The following LRRN2 variants were observed in gnomAD, a reference collection of about 807,000 sequenced individuals.
The protein encoded by LRRN2 is leucine rich repeat neuronal 2, also known as leucine-rich repeat neuronal protein 2.
In LRRN2, 10 loss-of-function variants were observed where a neutral mutation model predicts 35.7. That is an observed-to-expected ratio of 0.28 (90% CI 0.17 to 0.47). The LOEUF (loss-of-function observed/expected upper bound fraction) is 0.47, where lower values mean the gene tolerates loss of function less well. Among genes scored for constraint, LRRN2 ranks in the 20% least tolerant of loss-of-function variants. LRRN2 has a pLI of 0.99. For synonymous variants in LRRN2, 391 were observed against 409.6 expected, an observed-to-expected ratio of 0.95 and a Z score of 0.55; for missense variants, 731 against 940.3, an observed-to-expected ratio of 0.78 and a Z score of 2.91.
At chr1:204,684,008 A>C (rs1253037767) in intron 1 of LRRN2, among the ~76,000 whole-genome samples, 1 of 152,188 alleles carries the variant, frequency 6.6e-6, no homozygotes, top group African/African-American at 2.4e-5. Flanking sequence ...GATCTTTAAG[A>C]AGCAGTGGGC....
chr1:204,662,033 T>G (rs1668483249), intron 1 of LRRN2, among the ~76,000 whole-genome samples: 1 of 152,188 alleles, frequency 6.6e-6, no homozygotes, highest in South Asian at 2.1e-4. Context: ...TGGAGTTTCA[T>G]GGAATAGCCT....
chr1:204,636,507 G>A (rs573733627), intron 1 of LRRN2, among the ~76,000 whole-genome samples: 4 of 152,320 alleles, frequency 2.6e-5, no homozygotes, highest in East Asian at 1.9e-4. Flanking sequence ...AGGCCAAGGC[G>A]GGAGGTTTGC....
chr1:204,632,011 A>G (rs1667717000), intron 1 of LRRN2, among the ~76,000 whole-genome samples: 1 of 152,210 alleles, frequency 6.6e-6, no homozygotes, highest in Non-Finnish European at 1.5e-5. Flanking sequence ...ATTTGAGTCC[A>G]GGAGTTTGAG....
intron 1 of LRRN2, among the ~76,000 whole-genome samples, chr1:204,632,960 T>G (rs1221548475): frequency 6.6e-6 from 1 of 151,826 alleles, no homozygotes; most frequent in Admixed American, 6.6e-5. Context: ...TTCTTCTGTA[T>G]TCACAATCCT....
At chr1:204,668,628 G>A (rs1372815154) in intron 1 of LRRN2, among the ~76,000 whole-genome samples, 1 of 152,140 alleles carries the variant, frequency 6.6e-6, no homozygotes, top group African/African-American at 2.4e-5. Context: ...CTGAGTACCA[G>A]GCTCAAGTCT....
chr1:204,680,804 C>A (rs1014688510), intron 1 of LRRN2, among the ~76,000 whole-genome samples: 34 of 152,318 alleles, frequency 2.2e-4, no homozygotes, highest in African/African-American at 6.7e-4. Flanking sequence ...ACCCTGGTAT[C>A]TTTTCATGCA....
chr1:204,655,293 T>G, intron 1 of LRRN2, among the ~76,000 whole-genome samples: 1 of 150,588 alleles, frequency 6.6e-6, no homozygotes, highest in Non-Finnish European at 1.5e-5. Flanking sequence ...GTGGGTTTTG[T>G]TTTTGTTTTC....
At chr1:204,656,232 T>C (rs1668353225) in intron 1 of LRRN2, among the ~76,000 whole-genome samples, 1 of 152,206 alleles carries the variant, frequency 6.6e-6, no homozygotes, top group South Asian at 2.1e-4. Context: ...TCTTTGTCTC[T>C]TCTCTATCTC....
intron 1 of LRRN2, among the ~76,000 whole-genome samples, chr1:204,623,631 C>G (rs1558399848): frequency 6.6e-6 from 1 of 152,260 alleles, no homozygotes; most frequent in Non-Finnish European, 1.5e-5. Flanking sequence ...ATGGCCCGCT[C>G]ATGCAGGCTG....
At position 204,677,002 on chromosome 1, in the gene LRRN2, C is replaced by T. The variant is rs148451773; in HGVS notation, c.-227+8318G>A. Among the ~76,000 whole-genome samples, 1,058 of 152,166 alleles carry T rather than the reference C, an allele frequency of 7.0e-3. 14 individuals are homozygous for T. The highest frequency in any genetic ancestry group is 0.024 in the African/African-American group (1,005 of 41,492). ...TATCTACTTCACAGCGTTATGTGGA[C>T]GAAATGAGACAAATGCAGTGAAGCT... On this transcript the variant is annotated intron_variant, in intron 1 of 1. Transcript: ENST00000367177.
intron 1 of LRRN2, among the ~76,000 whole-genome samples, chr1:204,651,732 C>G (rs778369286): frequency 5.6e-4 from 85 of 152,204 alleles, no homozygotes; most frequent in Non-Finnish European, 1.1e-3. Flanking sequence ...AAGGGAAGTT[C>G]TGTCGGACAC....
chr1:204,637,915 C>G (rs1296517769), intron 1 of LRRN2, among the ~76,000 whole-genome samples: 1 of 152,202 alleles, frequency 6.6e-6, no homozygotes, highest in South Asian at 2.1e-4. Flanking sequence ...GAGTTAAAGG[C>G]ATTTTATTAA....
intron 1 of LRRN2, among the ~76,000 whole-genome samples, chr1:204,662,942 G>C (rs1005237940): frequency 1.3e-5 from 2 of 152,156 alleles, no homozygotes; most frequent in South Asian, 4.1e-4. Flanking sequence ...AAAAAAAAAG[G>C]CCTCAGAAGG....
chr1:204,666,194 T>A (rs905937210), intron 1 of LRRN2, among the ~76,000 whole-genome samples: 1 of 152,268 alleles, frequency 6.6e-6, no homozygotes, highest in African/African-American at 2.4e-5. Context: ...TTTCCTTTCC[T>A]GATATTCTAA....
intron 1 of LRRN2, among the ~76,000 whole-genome samples, chr1:204,663,390 G>T (rs748118389): frequency 6.6e-6 from 1 of 152,212 alleles, no homozygotes; most frequent in Non-Finnish European, 1.5e-5. Context: ...AGTACACTGA[G>T]TAGGGAGCTG....
chr1:204,678,201 T>C (rs191626270), intron 1 of LRRN2, among the ~76,000 whole-genome samples: 68 of 152,352 alleles, frequency 4.5e-4, no homozygotes, highest in Non-Finnish European at 1.6e-4. Flanking sequence ...TCCCTCATTA[T>C]TTCTTGTGAG....
Position 204,619,535 on chromosome 1 carries a change from A to C in LRRN2, c.458T>G (p.Leu153Arg). 6.2e-7 allele frequency: 1 copy of C among 1,614,198 alleles called. No individual in the cohort carries two copies. Among genetic ancestry groups the C allele is most frequent in the Non-Finnish European group, 8.5e-7 (1 of 1,180,032 alleles). Residue 153 changes from leucine to arginine, a missense_variant, in exon 2 of 2, where the codon CTC becomes CGC. By Grantham distance (102) the Leu-to-Arg change is moderately radical. Around this residue, in one of 3 missense-constraint regions of LRRN2, gnomAD observed 246 missense variants for 289.5 expected, o/e 0.85. Transcript: ENST00000367177. Reference sequence around the variant, plus strand: ...AAAGGCCCTGGGGGCGATGCGGTAGAGCTGGTTGTGGTTGAGATAGAGTTC... The same window carrying C: ...AAAGGCCCTGGGGGCGATGCGGTAGCGCTGGTTGTGGTTGAGATAGAGTTC... ...LQELYLNHNQ[L>R]YRIAPRAFSG...
chr1:204,652,871 AT>A (rs1354884873), intron 1 of LRRN2, among the ~76,000 whole-genome samples: 1 of 152,160 alleles, frequency 6.6e-6, no homozygotes, highest in Non-Finnish European at 1.5e-5. Flanking sequence ...AACTGGGTCC[AT>A]TTCAGAAGCC....
In LRRN2 at chr1:204,674,220, G is replaced by A. The variant is rs775247116; in HGVS notation, c.-227+11100C>T. On this transcript the variant is annotated intron_variant, in intron 1 of 1. Coordinates refer to ENST00000367177, the MANE Select transcript of LRRN2 (RefSeq NM_201630.2). Reference sequence around the variant, plus strand: ...TGTTACTCAGCAGGGACTAGGAAGGGTGGGGCAGGATAAGTGTGCCTCTGT... The same window carrying A: ...TGTTACTCAGCAGGGACTAGGAAGGATGGGGCAGGATAAGTGTGCCTCTGT... Among the ~76,000 whole-genome samples the A allele has an allele frequency of 1.0e-3, 157 of 152,050 alleles. 1 individual carries two copies. The highest frequency in any genetic ancestry group is 1.1e-3 in the Non-Finnish European group (73 of 68,004).
Sources: gnomAD v4.1 joint callset for allele counts (sites outside exome capture counted in the v4.1 genomes callset) on GRCh38, gnomAD v4.1.1 for gene constraint, gnomAD v4.1.1 regional missense constraint, MANE v1.5 for transcripts, NCBI Gene and HGNC (gene_info 2026-07-23, HGNC 2026-07-21) for gene names.